Variants in SLC35A3 observed in about 807,000 individuals in gnomAD.
SLC35A3 encodes UDP-N-acetylglucosamine transporter.
In SLC35A3, 26 loss-of-function variants were observed where a neutral mutation model predicts 39.0. The observed-to-expected ratio is 0.67, with a 90% CI of 0.49 to 0.92. The LOEUF is 0.92. Ranked by LOEUF, SLC35A3 falls within the 40% of genes least tolerant of loss-of-function variation. The pLI is 0.00. For missense variants in SLC35A3, 299 were observed against 371.6 expected, an observed-to-expected ratio of 0.80 and a Z score of 1.61; for synonymous variants, 135 against 133.1, an observed-to-expected ratio of 1.01 and a Z score of -0.10.
Position 100,011,542 on chromosome 1 carries a change from T to TAA in SLC35A3, c.634+11_634+12dup, listed in dbSNP as rs1198282024. ...AAGAAATATTCAGCTTGGTAAGTTT[T>TAA]AAATGTTTTCTAATATTATTTTAAA... is the stretch of plus-strand genomic sequence containing the variant. On this transcript the variant is annotated intron_variant, in intron 5 of 7. Transcript: ENST00000533028. 3.4e-6 allele frequency: 4 copies of TAA among 1,167,444 alleles called. No individual in the cohort carries two copies. The highest frequency in any genetic ancestry group is 2.1e-4 in the Middle Eastern group (1 of 4,756). 72.3% of individuals were successfully genotyped at this position (1,167,444 alleles called of 1,614,324 possible). A position where few individuals can be genotyped will look rare whatever the true frequency, so the allele number is the denominator to read the frequency against.
rs1390321324 is a variant in SLC35A3, at chr1:100,025,040, T to G, written c.*2564T>G. 4.9e-6 allele frequency: 1 copy of G among 204,778 alleles called. No individual in the cohort carries two copies. The highest frequency in any genetic ancestry group is 9.6e-6 in the Non-Finnish European group (1 of 103,944). The allele number at this position is 204,778 out of a possible 1,614,324, so 12.7% of individuals were successfully genotyped here. ...AATTACCAAATCTTTAAAATCACTT[T>G]GGTGGTGATTCCAAATTGGTACCAA... On this transcript the variant is annotated 3_prime_UTR_variant, in exon 8 of 8. Coordinates refer to ENST00000533028, the MANE Select transcript of SLC35A3 (RefSeq NM_012243.3).
In SLC35A3 at chr1:100,029,475, G is replaced by C. The variant is rs1403066849; in HGVS notation, c.*6999G>C. 7.2e-6 allele frequency: 1 copy of C among 139,096 alleles called. No individual in the cohort carries two copies. The highest frequency in any genetic ancestry group is 1.5e-5 in the Non-Finnish European group (1 of 66,588). 8.6% of individuals were successfully genotyped at this position (139,096 alleles called of 1,614,324 possible). A position where few individuals can be genotyped will look rare whatever the true frequency, so the allele number is the denominator to read the frequency against. The stretch of plus-strand genomic sequence containing the variant: ...AGATGGAGTCTCGCTCTGTCACTCA[G>C]GCTGGAGTTCAGCGGCACGATCTCT... On this transcript the variant is annotated 3_prime_UTR_variant, in exon 8 of 8. Coordinates refer to ENST00000533028, the MANE Select transcript of SLC35A3 (RefSeq NM_012243.3).
At position 100,027,420 on chromosome 1, in the gene SLC35A3, C is replaced by G. The variant is rs1266369413; in HGVS notation, c.*4944C>G. On this transcript the variant is annotated 3_prime_UTR_variant, in exon 8 of 8. Transcript: ENST00000533028. ...TAAACCATGATGACACTACTGGACT[C>G]TAGCCTGAGTGACAGTGAGACTCTG... 5.3e-6 allele frequency: 2 copies of G among 379,274 alleles called. No homozygotes were observed. Among genetic ancestry groups the G allele is most frequent in the Admixed American group, 4.5e-5 (1 of 22,126 alleles). 23.5% of individuals were successfully genotyped at this position (379,274 alleles called of 1,614,324 possible).
At position 100,026,377 on chromosome 1, in the gene SLC35A3, T is replaced by C. The variant is rs1188132043; in HGVS notation, c.*3901T>C. 6.6e-6 allele frequency: 1 copy of C among 152,120 alleles called. No homozygotes were observed. Among genetic ancestry groups the C allele is most frequent in the Admixed American group, 6.5e-5 (1 of 15,280 alleles). 9.4% of individuals were successfully genotyped at this position (152,120 alleles called of 1,614,324 possible). ...ATCTCCAGGTTATTTAAAGTAGTTATAGGAGCAGAGAACAAGCACCTTTAT... is the reference window on the plus strand; with the variant it reads ...ATCTCCAGGTTATTTAAAGTAGTTACAGGAGCAGAGAACAAGCACCTTTAT... On this transcript the variant is annotated 3_prime_UTR_variant, in exon 8 of 8. Transcript: ENST00000533028.
At chr1:100,006,520 G>C (rs745529090) in intron 3 of SLC35A3, among the ~76,000 whole-genome samples, 8 of 152,146 alleles carry the variant, frequency 5.3e-5, no homozygotes, top group African/African-American at 9.7e-5. Context: ...TGTGTGCATG[G>C]GTGGGTGCCA....
intron 4 of SLC35A3, chr1:100,008,022 G>C (rs1659366145): frequency 6.7e-6 from 1 of 149,492 alleles, no homozygotes; most frequent in Non-Finnish European, 1.5e-5. Context: ...TACAATCTCA[G>C]CTCACTGCAA....
chr1:100,027,941 C>CTTTTTTT lies in SLC35A3; in HGVS notation c.*5485_*5491dup, dbSNP rs766486592. The CTTTTTTT allele has an allele frequency of 2.7e-5, 3 of 109,698 alleles. No individual in the cohort carries two copies. The highest frequency in any genetic ancestry group is 4.1e-5 in the African/African-American group (1 of 24,390). 6.8% of individuals were successfully genotyped at this position (109,698 alleles called of 1,614,324 possible). The stretch of plus-strand genomic sequence containing the variant: ...ATCTGAATCTTATAGATAATACTAC[C>CTTTTTTT]TTTTTTTTTTTTTTTTTTTTTTTTT... On this transcript the variant is annotated 3_prime_UTR_variant, in exon 8 of 8. Coordinates refer to ENST00000533028, the MANE Select transcript of SLC35A3 (RefSeq NM_012243.3).
At position 100,033,106 on chromosome 1, in the gene SLC35A3, G is replaced by A. The variant is rs532175454; in HGVS notation, c.*10630G>A. The A allele has an allele frequency of 6.6e-6, 1 of 152,090 alleles. No homozygotes were observed. The highest frequency in any genetic ancestry group is 2.1e-4 in the South Asian group (1 of 4,822). 9.4% of individuals were successfully genotyped at this position (152,090 alleles called of 1,614,324 possible). A position where few individuals can be genotyped will look rare whatever the true frequency, so the allele number is the denominator to read the frequency against. ...TTTCTAGGCCATTTTAGTGGACATAGCTAGGAAATACAATTTTAAAAGATC... is the reference window on the plus strand; with the variant it reads ...TTTCTAGGCCATTTTAGTGGACATAACTAGGAAATACAATTTTAAAAGATC... On this transcript the variant is annotated 3_prime_UTR_variant, in exon 8 of 8. Coordinates refer to ENST00000533028, the MANE Select transcript of SLC35A3 (RefSeq NM_012243.3).
intron 3 of SLC35A3, among the ~76,000 whole-genome samples, chr1:100,004,883 C>T (rs536170085): frequency 4.6e-5 from 7 of 151,924 alleles, no homozygotes; most frequent in South Asian, 4.2e-4. Context: ...AGACCACAAT[C>T]GCACTCTACC....
intron 1 of SLC35A3, among the ~76,000 whole-genome samples, chr1:99,974,040 T>G (rs1232593866): frequency 6.7e-6 from 1 of 150,104 alleles, no homozygotes; most frequent in Non-Finnish European, 1.5e-5. Flanking sequence ...AAAATGAAGC[T>G]GAAACTTTGA....
In SLC35A3 at chr1:99,998,241, A is replaced by G. The variant is rs537771570; in HGVS notation, c.188-1020A>G. 2.9e-4 allele frequency among the ~76,000 whole-genome samples: 44 copies of G among 151,864 alleles called. 1 individual carries two copies. Among genetic ancestry groups the G allele is most frequent in the African/African-American group, 1.0e-3 (43 of 41,412 alleles). On this transcript the variant is annotated intron_variant, in intron 2 of 7. Transcript: ENST00000533028. The stretch of plus-strand genomic sequence containing the variant: ...GCAATCATAGCTTGCTGCTACTTCA[A>G]ACTCCTAGGCTCAGTTGATCCTCCT...
chr1:99,984,837 G>C (rs1047832008), intron 1 of SLC35A3, among the ~76,000 whole-genome samples: 1 of 152,138 alleles, frequency 6.6e-6, no homozygotes, highest in African/African-American at 2.4e-5. Context: ...GATAATTAGT[G>C]ATATTGGGCA....
At chr1:99,978,057 CAG>C (rs763592455) in intron 1 of SLC35A3, among the ~76,000 whole-genome samples, 14 of 152,154 alleles carry the variant, frequency 9.2e-5, no homozygotes, top group Non-Finnish European at 1.8e-4. Flanking sequence ...CTAGTAGGGA[CAG>C]AGAGACTAAA....
chr1:99,997,015 T>A (rs567326587), intron 2 of SLC35A3, among the ~76,000 whole-genome samples: 1 of 152,152 alleles, frequency 6.6e-6, no homozygotes, highest in East Asian at 1.9e-4. Flanking sequence ...ATTCTAGGGT[T>A]CCTTAGAATT....
At chr1:99,983,089 C>T (rs1275134685) in intron 1 of SLC35A3, among the ~76,000 whole-genome samples, 1 of 152,016 alleles carries the variant, frequency 6.6e-6, no homozygotes, top group Non-Finnish European at 1.5e-5. Context: ...TTATATTTTA[C>T]TATATAGATA....
At chr1:99,996,076 T>C (rs1240258305) in intron 2 of SLC35A3, among the ~76,000 whole-genome samples, 2 of 152,164 alleles carry the variant, frequency 1.3e-5, no homozygotes, top group African/African-American at 4.8e-5. Flanking sequence ...AAAGCATCTA[T>C]AGACACACCA....
At chr1:100,022,321 T>G (rs1660605402) in intron 7 of SLC35A3, 65 bp from the exon 8 acceptor site, 4 of 820,762 alleles carry the variant, frequency 4.9e-6, no homozygotes, top group Non-Finnish European at 7.9e-6. Context: ...AGTAAAGAAA[T>G]AGAAGGAACT....
At chr1:100,019,050 T>C (rs1010666977) in intron 7 of SLC35A3, among the ~76,000 whole-genome samples, 2 of 152,134 alleles carry the variant, frequency 1.3e-5, no homozygotes, top group African/African-American at 2.4e-5. Flanking sequence ...AATTTTGTAA[T>C]CTTAATCATA....
At chr1:100,010,129 G>A (rs539015477) in intron 4 of SLC35A3, among the ~76,000 whole-genome samples, 2 of 152,142 alleles carry the variant, frequency 1.3e-5, no homozygotes, top group Non-Finnish European at 1.5e-5. Flanking sequence ...TAAATATAGC[G>A]ATGACCCTAT....
Sources: allele counts gnomAD v4.1 joint callset (sites outside exome capture counted in the v4.1 genomes callset), GRCh38; gene constraint gnomAD v4.1.1; transcripts MANE v1.5; gene names NCBI Gene and HGNC (gene_info 2026-07-23, HGNC 2026-07-21).